The following MCUB variants were observed in gnomAD, a reference collection of about 807,000 sequenced individuals.
MCUB encodes the protein calcium uniporter regulatory subunit MCUb, mitochondrial.
Under a neutral mutation model 41.4 loss-of-function variants are expected in MCUB, and 46 were observed. The observed-to-expected ratio is 1.11, with a 90% confidence interval of 0.88 to 1.42. The LOEUF (loss-of-function observed/expected upper bound fraction) is 1.42, where lower values mean the gene tolerates loss of function less well. Among genes scored for constraint, MCUB ranks in the 40% most tolerant of loss-of-function variants. The pLI is 0.00. For missense variants in MCUB, 403 were observed against 404.9 expected, an observed-to-expected ratio of 1.00 and a Z score of 0.04; for synonymous variants, 148 against 148.2, an observed-to-expected ratio of 1.00 and a Z score of 0.01.
chr4:109,628,011 TC>T (rs375614097), intron 1 of MCUB, among the ~76,000 whole-genome samples: 2 of 152,036 alleles, frequency 1.3e-5, no homozygotes, highest in African/African-American at 4.8e-5. Context: ...TCATTTGTTT[TC>T]AGATTGAAAT....
At chr4:109,658,110 G>A (rs1009509987) in intron 1 of MCUB, among the ~76,000 whole-genome samples, 11 of 152,184 alleles carry the variant, frequency 7.2e-5, no homozygotes, top group Non-Finnish European at 1.2e-4. Flanking sequence ...TTACAGGCGT[G>A]AGCCATCGTG....
At chr4:109,576,994 A>G (rs1727045833) in intron 1 of MCUB, among the ~76,000 whole-genome samples, 1 of 152,044 alleles carries the variant, frequency 6.6e-6, no homozygotes, top group African/African-American at 2.4e-5. Context: ...TGGGATTACA[A>G]GCATGTGCCA....
intron 4 of MCUB, among the ~76,000 whole-genome samples, chr4:109,679,998 C>T (rs1484536948): frequency 6.6e-6 from 1 of 152,134 alleles, no homozygotes; most frequent in Non-Finnish European, 1.5e-5. Context: ...GACGGGGTTT[C>T]ACCCTGTTGG....
At chr4:109,678,553 G>A (rs1328306687) in intron 4 of MCUB, among the ~76,000 whole-genome samples, 7 of 148,674 alleles carry the variant, frequency 4.7e-5, no homozygotes, top group Non-Finnish European at 7.4e-5. Flanking sequence ...TCCCAGACGG[G>A]GCGGCCGGGC....
intron 1 of MCUB, among the ~76,000 whole-genome samples, chr4:109,656,246 GA>G (rs1161911503): frequency 1.3e-5 from 2 of 149,188 alleles, no homozygotes; most frequent in African/African-American, 2.5e-5. Context: ...GTAACGTGTA[GA>G]AAAAAATCTG....
At chr4:109,677,982 G>A (rs1729611663) in intron 4 of MCUB, among the ~76,000 whole-genome samples, 2 of 151,876 alleles carry the variant, frequency 1.3e-5, no homozygotes, top group African/African-American at 4.8e-5. Flanking sequence ...CAGTGTTTGT[G>A]TCCCTGGGTA....
At chr4:109,589,993 A>G (rs1262730522) in intron 1 of MCUB, among the ~76,000 whole-genome samples, 1 of 152,212 alleles carries the variant, frequency 6.6e-6, no homozygotes, top group Non-Finnish European at 1.5e-5. Context: ...CCATCAACCA[A>G]TTTGTCTAGT....
chr4:109,670,674 T>C (rs1255071846), intron 4 of MCUB, among the ~76,000 whole-genome samples: 1 of 151,452 alleles, frequency 6.6e-6, no homozygotes, highest in African/African-American at 2.4e-5. Context: ...CAAGATCATG[T>C]CATTGCACTC....
In MCUB at chr4:109,687,608, T is replaced by C; in HGVS notation, c.*16T>C. ...AAAGAATTAATCTTACAGTTTTAAA[T>C]GTCGTCAGATTTTCCATTATGTATT... On this transcript the variant is annotated 3_prime_UTR_variant, in exon 8 of 8. Coordinates refer to ENST00000394650, the MANE Select transcript of MCUB (RefSeq NM_017918.5). The C allele has an allele frequency of 1.9e-6, 3 of 1,547,252 alleles. No homozygotes were observed. The highest frequency in any genetic ancestry group is 1.8e-6 in the Non-Finnish European group (2 of 1,122,990).
At chr4:109,655,191 A>C (rs1729063407) in intron 1 of MCUB, among the ~76,000 whole-genome samples, 1 of 152,250 alleles carries the variant, frequency 6.6e-6, no homozygotes, top group Non-Finnish European at 1.5e-5. Context: ...GAGATACATA[A>C]AGCAAGGTAC....
chr4:109,666,819 T>A (rs1237458560), intron 4 of MCUB, among the ~76,000 whole-genome samples: 1 of 152,218 alleles, frequency 6.6e-6, no homozygotes, highest in Non-Finnish European at 1.5e-5. Flanking sequence ...TTCAATTTTG[T>A]CAAATCTTTT....
At chr4:109,605,631 A>T (rs1484259200) in intron 1 of MCUB, among the ~76,000 whole-genome samples, 1 of 152,162 alleles carries the variant, frequency 6.6e-6, no homozygotes, top group East Asian at 1.9e-4. Flanking sequence ...TATGGCGTTG[A>T]AGTCTCCAGC....
intron 1 of MCUB, among the ~76,000 whole-genome samples, chr4:109,653,382 A>G (rs1344578141): frequency 8.5e-6 from 1 of 117,076 alleles, no homozygotes; most frequent in Admixed American, 8.5e-5. Context: ...CCGTCTTAAG[A>G]AAAAAAAAAA....
chr4:109,567,897 CTA>C (rs1726819186), intron 1 of MCUB, among the ~76,000 whole-genome samples: 1 of 152,040 alleles, frequency 6.6e-6, no homozygotes, highest in Non-Finnish European at 1.5e-5. Context: ...CAGGGTTTCA[CTA>C]TATTGGTCAG....
chr4:109,621,946 A>G (rs1275469808), intron 1 of MCUB, among the ~76,000 whole-genome samples: 4 of 152,108 alleles, frequency 2.6e-5, no homozygotes, highest in African/African-American at 9.7e-5. Context: ...CAGAGGCATG[A>G]TCTTGGTTCA....
chr4:109,685,247 T>TC lies in MCUB; in HGVS notation c.817-4_817-3insC. ...GTTTTCTTCTCTCTCTCTTTTTTTT[T>TC]AAGGATTATACTTACTCAGCTGTTA... On this transcript the variant is annotated splice_polypyrimidine_tract_variant and splice_region_variant and intron_variant, in intron 6 of 7. Coordinates refer to ENST00000394650, the MANE Select transcript of MCUB (RefSeq NM_017918.5). 8.4e-7 allele frequency: 1 copy of TC among 1,190,668 alleles called. No individual in the cohort carries two copies. Among genetic ancestry groups the TC allele is most frequent in the Non-Finnish European group, 1.2e-6 (1 of 807,970 alleles). The allele number at this position is 1,190,668 out of a possible 1,614,324, so 73.8% of individuals were successfully genotyped here.
chr4:109,658,994 A>T lies in MCUB; in HGVS notation c.100-17A>T, dbSNP rs1422406293. 6 of 1,432,892 alleles carry T rather than the reference A, an allele frequency of 4.2e-6. No homozygotes were observed. In the African/African-American group the frequency reaches 8.5e-5, roughly 20 times the overall value. 88.8% of individuals were successfully genotyped at this position (1,432,892 alleles called of 1,614,324 possible). A position where few individuals can be genotyped will look rare whatever the true frequency, so the allele number is the denominator to read the frequency against. On this transcript the variant is annotated splice_polypyrimidine_tract_variant and intron_variant, in intron 1 of 7. Coordinates refer to ENST00000394650, the MANE Select transcript of MCUB (RefSeq NM_017918.5). Reference sequence around the variant, plus strand: ...ACTCTTTTTTTAAAAAAACAAATTAATTTTTCCTTCTTGTAGGTTTTGCGT... The same window carrying T: ...ACTCTTTTTTTAAAAAAACAAATTATTTTTTCCTTCTTGTAGGTTTTGCGT...
At chr4:109,582,945 A>G (rs1405075307) in intron 1 of MCUB, among the ~76,000 whole-genome samples, 1 of 152,180 alleles carries the variant, frequency 6.6e-6, no homozygotes, top group African/African-American at 2.4e-5. Context: ...TACCAGTGCC[A>G]TGCTGTTTTG....
rs1489510705 is a variant in MCUB, at chr4:109,577,570, T to C, written c.99+17134T>C. Among the ~76,000 whole-genome samples the C allele has an allele frequency of 2.0e-5, 3 of 152,048 alleles. 1 individual carries two copies. Among genetic ancestry groups the C allele is most frequent in the Non-Finnish European group, 4.4e-5 (3 of 68,010 alleles). On this transcript the variant is annotated intron_variant, in intron 1 of 7. Transcript: ENST00000394650. ...TTGAATATTGCTAAAACTTGATCGT[T>C]TCATAGCCTAAAATGGGTACTTGAA...
Sources: gnomAD v4.1 joint callset for allele counts (sites outside exome capture counted in the v4.1 genomes callset) on GRCh38, gnomAD v4.1.1 for gene constraint, MANE v1.5 for transcripts, NCBI Gene and HGNC (gene_info 2026-07-23, HGNC 2026-07-21) for gene names.